Variants in TAF6 observed in about 807,000 individuals in gnomAD.
TAF6 encodes the protein transcription initiation factor TFIID subunit 6.
A neutral mutation model predicts 73.5 loss-of-function variants in TAF6; 50 were observed. The ratio of observed to expected loss-of-function variants is 0.68; its 90% CI spans 0.54 to 0.86. TAF6 has a LOEUF of 0.86. Among genes scored for constraint, TAF6 ranks in the 40% least tolerant of loss-of-function variants. The pLI is 0.00. For missense variants in TAF6, 768 were observed against 899.5 expected, an observed-to-expected ratio of 0.85 and a Z score of 1.87; for synonymous variants, 424 against 376.7, an observed-to-expected ratio of 1.13 and a Z score of -1.45.
In TAF6 at chr7:100,107,331, G is replaced by A. The variant is rs756281281; in HGVS notation, c.1949C>T (p.Ala650Val). The part of the protein sequence containing the change: ...GSALCGGKQE[A>V]GDSPPPAPGT... The stretch of plus-strand genomic sequence containing the variant: ...TGGAGCTGGAGGGGGACTGTCCCCA[G>A]CCTCCTGCTTCCCCCCACAAAGGGC... Residue 650 changes from alanine (A) to valine (V), a missense_variant, in exon 15 of 15, where the codon GCT becomes GTT. By Grantham distance (64) the Ala-to-Val change is moderately conservative. This residue lies in a region of TAF6 where 350 missense variants were observed against 352.3 expected (regional missense o/e 0.99). Coordinates refer to ENST00000453269, the MANE Select transcript of TAF6 (RefSeq NM_139315.3). 6 of 1,544,094 alleles carry A rather than the reference G, an allele frequency of 3.9e-6. No individual in the cohort carries two copies. In the Admixed American group the frequency reaches 1.0e-4, roughly 26 times the overall value.
the TAF6 span, chr7:100,125,138 T>C: frequency 2.1e-6 from 1 of 470,392 alleles, no homozygotes; most frequent in Non-Finnish European, 3.7e-6. Flanking sequence ...GGCAGGTGTA[T>C]GTGCTGACAG....
the TAF6 span, chr7:100,124,908 A>G: frequency 1.2e-5 from 19 of 1,564,536 alleles, no homozygotes; most frequent in Middle Eastern, 1.7e-4. Flanking sequence ...TTGAGCCCCC[A>G]GGAGGGGAAG....
chr7:100,126,242 T>TGAGACAGGAGAATCGCTTG, the TAF6 span, among the ~76,000 whole-genome samples: 2 of 151,950 alleles, frequency 1.3e-5, no homozygotes, highest in Admixed American at 6.5e-5. Flanking sequence ...CTCGGGAGGC[T>TGAGACAGGAGAATCGCTTG]GAGACAGGAG....
chr7:100,117,531 C>G (rs1265857467), intron 1 of TAF6, among the ~76,000 whole-genome samples: 2 of 151,552 alleles, frequency 1.3e-5, no homozygotes, highest in African/African-American at 4.8e-5. Context: ...CCTGGCCTCC[C>G]AAAGTGCTGG....
intron 1 of TAF6, among the ~76,000 whole-genome samples, chr7:100,117,153 G>A (rs1797734669): frequency 6.6e-6 from 1 of 151,958 alleles, no homozygotes. Context: ...GGCTGAGGCA[G>A]GAGAATTGCT....
chr7:100,113,996 G>A (rs778963944), intron 2 of TAF6, 42 bp from the exon 3 acceptor site: 1 of 1,614,014 alleles, frequency 6.2e-7, no homozygotes, highest in Non-Finnish European at 8.5e-7. Flanking sequence ...AAAATCCTAA[G>A]GACGGGGCCC....
chr7:100,108,023 AGT>A lies in TAF6; in HGVS notation c.1557_1558del (p.Leu520GlyfsTer217). The A allele has an allele frequency of 6.2e-7, 1 of 1,613,874 alleles. No homozygotes were observed. The highest frequency in any genetic ancestry group is 8.5e-7 in the Non-Finnish European group (1 of 1,179,940). On this transcript the variant is annotated frameshift_variant, in exon 14 of 15. Coordinates refer to ENST00000453269, the MANE Select transcript of TAF6 (RefSeq NM_139315.3). LOFTEE classifies it high-confidence loss of function. ...TGGGGCAGCCGCTCGTGCAGACACCAGTGTCTGGACAGGAAGTGCGATGGAGC... is the reference window on the plus strand; with the variant it reads ...TGGGGCAGCCGCTCGTGCAGACACCAGTCTGGACAGGAAGTGCGATGGAGC...
At position 100,111,189 on chromosome 7, in the gene TAF6, T is replaced by G. The variant is rs1335760971; in HGVS notation, c.1033A>C (p.Ser345Arg). Reference protein sequence around the residue: ...RLVAQICKHFSTTTNNIQSRI... With the variant: ...RLVAQICKHFRTTTNNIQSRI... The stretch of plus-strand genomic sequence containing the variant: ...GACTGGATGTTGTTAGTGGTTGTGC[T>G]AAAATGCTTGCAGATCTGGGCCACC... Residue 345 changes from serine (S) to arginine (R), a missense_variant, in exon 10 of 15, where the codon AGC (serine) becomes CGC (arginine). This residue lies in a region of TAF6 where 69 missense variants were observed against 105.4 expected (regional missense o/e 0.65). Coordinates refer to ENST00000453269, the MANE Select transcript of TAF6 (RefSeq NM_139315.3). 6.2e-7 allele frequency: 1 copy of G among 1,614,056 alleles called. No individual in the cohort carries two copies. The highest frequency in any genetic ancestry group is 8.5e-7 in the Non-Finnish European group (1 of 1,180,052).
At chr7:100,119,658 C>G (rs745584580), upstream of TAF6, 4 of 1,610,868 alleles carry the variant, frequency 2.5e-6, no homozygotes, top group Admixed American at 6.8e-5. Flanking sequence ...TTTAAGGTTG[C>G]CGCTAGCCGC....
intron 1 of TAF6, chr7:100,116,642 A>AAAC (rs533287341): frequency 0.015 from 2,310 of 152,090 alleles, 27 homozygotes; most frequent in Non-Finnish European, 0.025. Flanking sequence ...TTCTTCTCAA[A>AAAC]AACAACAACA....
chr7:100,110,650 A>C (rs1797087862), intron 10 of TAF6, among the ~76,000 whole-genome samples: 1 of 152,204 alleles, frequency 6.6e-6, no homozygotes, highest in Non-Finnish European at 1.5e-5. Flanking sequence ...CGTCTCTACT[A>C]AAAACACAAA....
chr7:100,123,740 G>C (rs1369468090), upstream of TAF6, among the ~76,000 whole-genome samples: 1 of 152,078 alleles, frequency 6.6e-6, no homozygotes, highest in Non-Finnish European at 1.5e-5. Context: ...CAGGCTGGTC[G>C]AACTCCTGAC....
chr7:100,127,108 G>A, the TAF6 span: 1 of 473,310 alleles, frequency 2.1e-6, no homozygotes, highest in Admixed American at 4.0e-5. The surrounding 1 kb of genome is among the most constrained non-coding windows in gnomAD (Gnocchi z 4.6). Context: ...ATAAAGGATA[G>A]CCTTTGGAGG....
upstream of TAF6, among the ~76,000 whole-genome samples, chr7:100,123,129 G>A (rs1361465613): frequency 6.6e-6 from 1 of 151,996 alleles, no homozygotes; most frequent in Non-Finnish European, 1.5e-5. Flanking sequence ...ATCACCTGAG[G>A]TCATAAGTTC....
At chr7:100,123,444 G>C (rs747224914), upstream of TAF6, among the ~76,000 whole-genome samples, 29 of 152,140 alleles carry the variant, frequency 1.9e-4, no homozygotes, top group Non-Finnish European at 4.0e-4. Flanking sequence ...TGAGGGAGAA[G>C]GACTGTTTGA....
chr7:100,122,028 C>A (rs1017333919), upstream of TAF6: 6 of 422,754 alleles, frequency 1.4e-5, no homozygotes, highest in African/African-American at 2.4e-5. Context: ...ACAGCCTGGG[C>A]GACAGAGCGA....
At chr7:100,117,814 G>C (rs991514368) in intron 1 of TAF6, among the ~76,000 whole-genome samples, 1 of 151,162 alleles carries the variant, frequency 6.6e-6, no homozygotes, top group Non-Finnish European at 1.5e-5. Flanking sequence ...AGGCCGAGGC[G>C]GGCGGATCAC....
At chr7:100,123,500 T>C (rs1431397171), upstream of TAF6, among the ~76,000 whole-genome samples, 1 of 152,100 alleles carries the variant, frequency 6.6e-6, no homozygotes, top group Non-Finnish European at 1.5e-5. Context: ...GACCCCCTTC[T>C]CTACAAATAA....
chr7:100,108,468 C>T lies in TAF6; in HGVS notation c.1357G>A (p.Gly453Arg), dbSNP rs763017709. ...GAGCAGAGGAGGGGCCCAAGGGACC[C>T]GAATTCTGCCCGATAGGCGTCCTGA... is the stretch of plus-strand genomic sequence containing the variant. Reference protein sequence around the residue: ...DNQDAYRAEFGSLGPLLCSQV... With the variant: ...DNQDAYRAEFRSLGPLLCSQV... The change falls in exon 13 of 15, where the codon GGG becomes AGG. Residue 453 changes from glycine to arginine, a missense_variant. Physicochemically the swap from Gly to Arg is moderately radical, Grantham distance 125. Around this residue, in one of 5 missense-constraint regions of TAF6, gnomAD observed 350 missense variants for 352.3 expected, o/e 0.99. Coordinates refer to ENST00000453269, the MANE Select transcript of TAF6 (RefSeq NM_139315.3). The T allele has an allele frequency of 8.1e-6, 13 of 1,613,920 alleles. No individual in the cohort carries two copies. Among genetic ancestry groups the T allele is most frequent in the East Asian group, 2.2e-5 (1 of 44,864 alleles).
Sources: gnomAD v4.1 joint callset for allele counts (sites outside exome capture counted in the v4.1 genomes callset) on GRCh38, gnomAD v4.1.1 for gene constraint, gnomAD v4.1.1 regional missense constraint, Gnocchi (gnomAD v3.1) non-coding constraint, MANE v1.5 for transcripts, NCBI Gene and HGNC (gene_info 2026-07-23, HGNC 2026-07-21) for gene names.